Variants in PAN3 observed in about 807,000 individuals in gnomAD.
The protein encoded by PAN3 is PAN2-PAN3 deadenylation complex subunit PAN3.
Under a neutral mutation model 96.2 loss-of-function variants are expected in PAN3, and 19 were observed. The observed-to-expected ratio is 0.20, with a 90% CI of 0.14 to 0.29. The LOEUF is 0.29. Ranked by LOEUF, PAN3 falls within the 10% of genes least tolerant of loss-of-function variation. The probability of loss-of-function intolerance (pLI) is 1.00; values close to 1 mark genes in which losing one functional copy is unlikely to be tolerated. For synonymous variants in PAN3, 433 were observed against 406.6 expected (o/e 1.06, Z -0.78); for missense variants, 882 against 1,108.1 (o/e 0.80, Z 2.90).
At chr13:28,284,561 CT>C (rs771130309) in intron 17 of PAN3, among the ~76,000 whole-genome samples, 15 of 152,030 alleles carry the variant, frequency 9.9e-5, no homozygotes, top group Non-Finnish European at 1.9e-4. Context: ...GGTTTCATTT[CT>C]TCATATTAAA....
intron 1 of PAN3, among the ~76,000 whole-genome samples, chr13:28,144,219 T>G (rs201957452): frequency 0.012 from 1,598 of 138,226 alleles, 14 homozygotes; most frequent in East Asian, 0.018. Context: ...TTGTTTTTTT[T>G]TTTTTTTTTT....
chr13:28,138,504 T>A, upstream of PAN3: 12 of 32,282 alleles, frequency 3.7e-4, no homozygotes, highest in East Asian at 7.0e-4. Context: ...CCCCTCCCCC[T>A]TCTCCCCGGG....
chr13:28,235,495 G>A (rs1001390460), intron 6 of PAN3, among the ~76,000 whole-genome samples: 3 of 151,824 alleles, frequency 2.0e-5, no homozygotes, highest in African/African-American at 7.3e-5. Context: ...CTTTGCTTGG[G>A]CCTTATGTTG....
chr13:28,189,526 AAACAAAACAAAAC>A (rs1463256453), intron 4 of PAN3, among the ~76,000 whole-genome samples: 1 of 139,674 alleles, frequency 7.2e-6, no homozygotes, highest in African/African-American at 2.7e-5. Context: ...CAAAACAAAA[AAACAAAACAAAAC>A]AAAAAAACTC....
chr13:28,144,694 A>G (rs965214308), intron 1 of PAN3, among the ~76,000 whole-genome samples: 3 of 149,778 alleles, frequency 2.0e-5, no homozygotes, highest in African/African-American at 7.4e-5. Flanking sequence ...ATAAATGATT[A>G]TCAAAAGCAA....
intron 1 of PAN3, among the ~76,000 whole-genome samples, chr13:28,157,055 A>ACTGG (rs1872275307): frequency 6.6e-6 from 1 of 150,768 alleles, no homozygotes; most frequent in Admixed American, 6.6e-5. Context: ...TTTACCCCTG[A>ACTGG]GTTGCAAGAC....
intron 4 of PAN3, among the ~76,000 whole-genome samples, chr13:28,190,325 T>G (rs1877084374): frequency 6.6e-6 from 1 of 152,086 alleles, no homozygotes; most frequent in Admixed American, 6.6e-5. Context: ...CCACTGCAGC[T>G]TTGAATTCCT....
intron 5 of PAN3, among the ~76,000 whole-genome samples, chr13:28,214,140 C>T (rs1263402412): frequency 6.6e-6 from 1 of 152,116 alleles, no homozygotes; most frequent in Non-Finnish European, 1.5e-5. Flanking sequence ...AGTTTACTAA[C>T]TTAAAAAGGT....
intron 4 of PAN3, among the ~76,000 whole-genome samples, chr13:28,182,917 T>C (rs893024140): frequency 3.3e-5 from 5 of 152,214 alleles, no homozygotes; most frequent in African/African-American, 9.6e-5. Flanking sequence ...AGTTTTCTTA[T>C]AGCATTTTTA....
chr13:28,198,710 A>G (rs1442480890), intron 5 of PAN3, among the ~76,000 whole-genome samples: 1 of 152,240 alleles, frequency 6.6e-6, no homozygotes, highest in Non-Finnish European at 1.5e-5. Context: ...CTTTACTCCC[A>G]AACTTGCATT....
At chr13:28,207,689 T>G (rs1879539830) in intron 5 of PAN3, among the ~76,000 whole-genome samples, 1 of 152,242 alleles carries the variant, frequency 6.6e-6, no homozygotes, top group Non-Finnish European at 1.5e-5. Context: ...AGATGTTTGC[T>G]CACATTGTCC....
intron 5 of PAN3, among the ~76,000 whole-genome samples, chr13:28,205,232 G>A (rs1013422441): frequency 2.6e-5 from 4 of 151,984 alleles, no homozygotes; most frequent in Admixed American, 2.6e-4. Context: ...TTGATGCAAT[G>A]GATTGGACTT....
chr13:28,143,086 T>C (rs985953142), intron 1 of PAN3, among the ~76,000 whole-genome samples: 5 of 152,180 alleles, frequency 3.3e-5, no homozygotes, highest in African/African-American at 1.2e-4. Flanking sequence ...ATAAGGAAAC[T>C]GCAATTTGAT....
At position 28,256,370 on chromosome 13, in the gene PAN3, G is replaced by A. The variant is rs973690041; in HGVS notation, c.1079G>A (p.Arg360Lys). 3 of 1,613,976 alleles carry A rather than the reference G, an allele frequency of 1.9e-6. No individual in the cohort carries two copies. Among genetic ancestry groups the A allele is most frequent in the Non-Finnish European group, 2.5e-6 (3 of 1,179,880 alleles). ...TPHTSPAPRRRSHTPNPASYM... is the reference protein window; with the variant it reads ...TPHTSPAPRRKSHTPNPASYM... ...CATACTTCTCCTGCTCCCAGAAGAA[G>A]AAGTCACACTCCAAATCCAGCAAGT... is the stretch of plus-strand genomic sequence containing the variant. The change falls in exon 7 of 19, where the codon AGA (arginine) becomes AAA (lysine). Residue 360 changes from arginine (R) to lysine (K), a missense_variant. Transcript: ENST00000380958.
chr13:28,210,100 ATAT>A (rs1470724022), intron 5 of PAN3, among the ~76,000 whole-genome samples: 5 of 152,042 alleles, frequency 3.3e-5, no homozygotes, highest in Non-Finnish European at 7.4e-5. Context: ...CGTTTTGATA[ATAT>A]TATCAAACTG....
At chr13:28,233,595 G>A (rs150797892) in intron 6 of PAN3, among the ~76,000 whole-genome samples, 12 of 152,166 alleles carry the variant, frequency 7.9e-5, no homozygotes, top group Non-Finnish European at 1.6e-4. Context: ...TATTAGAATT[G>A]TGGCTTATTT....
At position 28,234,275 on chromosome 13, in the gene PAN3, C is replaced by T. The variant is rs573939963; in HGVS notation, c.1000+13897C>T. Among the ~76,000 whole-genome samples, 55 of 152,210 alleles carry T rather than the reference C, an allele frequency of 3.6e-4. 1 individual carries two copies. The South Asian group carries it at 0.011, about 31-fold the overall frequency. ...GCAGTGGAGTGATCATAATTCATTGCGGCCTTGAATTCCTGGGATCAGGCA... is the reference window on the plus strand; with the variant it reads ...GCAGTGGAGTGATCATAATTCATTGTGGCCTTGAATTCCTGGGATCAGGCA... On this transcript the variant is annotated intron_variant, in intron 6 of 18. Transcript: ENST00000380958.
At chr13:28,259,183 A>G (rs942349585) in intron 7 of PAN3, among the ~76,000 whole-genome samples, 1 of 151,144 alleles carries the variant, frequency 6.6e-6, no homozygotes, top group Admixed American at 6.6e-5. Context: ...GCTGGAGTGC[A>G]GTGGCACGAT....
chr13:28,220,501 A>G (rs142257982), intron 6 of PAN3, 123 bp downstream of exon 6: 1 of 1,213,404 alleles, frequency 8.2e-7, no homozygotes, highest in African/African-American at 1.5e-5. Flanking sequence ...TAAGAGCTTT[A>G]TGTTCTAGTT....
Sources: allele counts gnomAD v4.1 joint callset (sites outside exome capture counted in the v4.1 genomes callset), GRCh38; gene constraint gnomAD v4.1.1; transcripts MANE v1.5; gene names NCBI Gene and HGNC (gene_info 2026-07-23, HGNC 2026-07-21).